EPM2A: variants seen among roughly 807,000 people sequenced by gnomAD.
The protein encoded by EPM2A is EPM2A glucan phosphatase, laforin.
EPM2A carries 21 observed loss-of-function variants against 26.5 expected under a neutral mutation model. The ratio of observed to expected loss-of-function variants is 0.79; its 90% CI spans 0.56 to 1.14. The LOEUF is 1.14. EPM2A is among the 50% of genes most tolerant of loss of function. The probability of loss-of-function intolerance (pLI) is 0.00; values close to 1 mark genes in which losing one functional copy is unlikely to be tolerated. For missense variants in EPM2A, 458 were observed against 440.8 expected (o/e 1.04, Z -0.35); for synonymous variants, 217 against 177.6 (o/e 1.22, Z -1.76).
At chr6:145,526,518 T>A (rs896568155) in intron 2 of EPM2A, among the ~76,000 whole-genome samples, 2 of 152,040 alleles carry the variant, frequency 1.3e-5, no homozygotes, top group African/African-American at 4.8e-5. Flanking sequence ...CCATTCAGTC[T>A]GGGGTGGGTG....
chr6:145,524,521 T>G (rs1003603919), intron 2 of EPM2A, among the ~76,000 whole-genome samples: 1 of 152,158 alleles, frequency 6.6e-6, no homozygotes, highest in Non-Finnish European at 1.5e-5. Flanking sequence ...ATTTCTCTTA[T>G]TATTAGTGAT....
At chr6:145,588,603 C>A (rs974289337) in intron 2 of EPM2A, among the ~76,000 whole-genome samples, 16 of 152,080 alleles carry the variant, frequency 1.1e-4, no homozygotes, top group African/African-American at 3.6e-4. Flanking sequence ...TCCTTTGAGC[C>A]ATACATGCAT....
chr6:145,564,683 G>A (rs1780854301), intron 2 of EPM2A, among the ~76,000 whole-genome samples: 1 of 150,926 alleles, frequency 6.6e-6, no homozygotes, highest in African/African-American at 2.4e-5. Flanking sequence ...TATGGAGATG[G>A]CCTCAGGCTA....
intron 1 of EPM2A, among the ~76,000 whole-genome samples, chr6:145,712,759 C>G (rs1040813076): frequency 2.0e-5 from 3 of 152,154 alleles, no homozygotes; most frequent in Non-Finnish European, 4.4e-5. Flanking sequence ...TATGCTCCTA[C>G]TCATTCATCT....
At chr6:145,451,987 T>C (rs1779201083) in intron 4 of EPM2A, among the ~76,000 whole-genome samples, 1 of 152,180 alleles carries the variant, frequency 6.6e-6, no homozygotes, top group Non-Finnish European at 1.5e-5. Context: ...TCTTCATCAT[T>C]GTTTTTTCTT....
intron 2 of EPM2A, among the ~76,000 whole-genome samples, chr6:145,543,956 G>A (rs1279667016): frequency 2.6e-5 from 4 of 152,180 alleles, no homozygotes; most frequent in African/African-American, 4.8e-5. Flanking sequence ...ACCAACTTCT[G>A]AAGACATTTA....
intron 2 of EPM2A, among the ~76,000 whole-genome samples, chr6:145,536,797 T>C (rs953791356): frequency 6.6e-6 from 1 of 152,170 alleles, no homozygotes; most frequent in Non-Finnish European, 1.5e-5. Flanking sequence ...ATGAGAAAAG[T>C]AAAGGCTATT....
At chr6:145,606,630 TGTC>T (rs1245603411) in intron 2 of EPM2A, among the ~76,000 whole-genome samples, 1 of 152,138 alleles carries the variant, frequency 6.6e-6, no homozygotes, top group Non-Finnish European at 1.5e-5. Context: ...TAGTTTGAGT[TGTC>T]GTCAATATAT....
intron 4 of EPM2A, among the ~76,000 whole-genome samples, chr6:145,443,630 G>A (rs1355587339): frequency 1.3e-5 from 2 of 152,148 alleles, no homozygotes; most frequent in African/African-American, 4.8e-5. Context: ...GACCTTTGGG[G>A]CCGAGACTAT....
chr6:145,423,553 T>C (rs1317931386), intron 4 of EPM2A, among the ~76,000 whole-genome samples: 1 of 152,174 alleles, frequency 6.6e-6, no homozygotes, highest in Non-Finnish European at 1.5e-5. Flanking sequence ...GAAGCAAGTA[T>C]TCACACATTT....
intron 4 of EPM2A, among the ~76,000 whole-genome samples, chr6:145,450,350 C>CAAAAAAA (rs368618860): frequency 1.3e-4 from 8 of 62,462 alleles, no homozygotes; most frequent in Non-Finnish European, 1.8e-4. Context: ...GACTCCGTCT[C>CAAAAAAA]AAAAAAAAAA....
intron 2 of EPM2A, among the ~76,000 whole-genome samples, chr6:145,548,524 C>A (rs145242398): frequency 4.1e-4 from 62 of 152,096 alleles, no homozygotes; most frequent in African/African-American, 1.4e-3. Context: ...AACCTTGAAG[C>A]GGGACATTGG....
At chr6:145,512,933 C>A (rs1034271381) in intron 2 of EPM2A, among the ~76,000 whole-genome samples, 1 of 151,946 alleles carries the variant, frequency 6.6e-6, no homozygotes, top group African/African-American at 2.4e-5. Context: ...TATTAAAGAA[C>A]TAAACATAAG....
chr6:145,686,622 A>C (rs1780936549), intron 1 of EPM2A, among the ~76,000 whole-genome samples: 1 of 152,142 alleles, frequency 6.6e-6, no homozygotes, highest in East Asian at 1.9e-4. Context: ...GCTCCTAAAA[A>C]AAGTTTTTAA....
chr6:145,581,075 T>A (rs1181881920), intron 2 of EPM2A, among the ~76,000 whole-genome samples: 1 of 152,088 alleles, frequency 6.6e-6, no homozygotes, highest in East Asian at 1.9e-4. Context: ...CTATTTAAAT[T>A]ATTTAAGTAA....
intron 3 of EPM2A, among the ~76,000 whole-genome samples, chr6:145,634,309 C>G (rs1220537526): frequency 6.6e-6 from 1 of 152,162 alleles, no homozygotes; most frequent in African/African-American, 2.4e-5. Flanking sequence ...CCTATCATTC[C>G]TCTAAAATTC....
At chr6:145,589,938 G>T (rs912747070) in intron 2 of EPM2A, among the ~76,000 whole-genome samples, 26 of 148,842 alleles carry the variant, frequency 1.7e-4, no homozygotes, top group Non-Finnish European at 1.5e-5. Context: ...CTTAAGATAA[G>T]AATTTTTAAA....
intron 4 of EPM2A, chr6:145,490,145 G>T: frequency 1.8e-6 from 2 of 1,094,094 alleles, no homozygotes; most frequent in African/African-American, 1.6e-5. Flanking sequence ...GTTTGCACAC[G>T]TTTCTACTGA....
intron 2 of EPM2A, among the ~76,000 whole-genome samples, chr6:145,613,941 C>T (rs1204019413): frequency 6.6e-6 from 1 of 152,184 alleles, no homozygotes; most frequent in African/African-American, 2.4e-5. Context: ...ACAAGAGAGG[C>T]AAACTGTCCT....
Sources: gnomAD v4.1 joint callset for allele counts (sites outside exome capture counted in the v4.1 genomes callset) on GRCh38, gnomAD v4.1.1 for gene constraint, MANE v1.5 for transcripts, NCBI Gene and HGNC (gene_info 2026-07-23, HGNC 2026-07-21) for gene names.